Variants in DLGAP2 observed in about 807,000 individuals in gnomAD.
The protein encoded by DLGAP2 is disks large-associated protein 2.
Under a neutral mutation model 100.3 loss-of-function variants are expected in DLGAP2, and 26 were observed. The ratio of observed to expected loss-of-function variants is 0.26; its 90% CI spans 0.19 to 0.36. The LOEUF (loss-of-function observed/expected upper bound fraction) is 0.36. DLGAP2 is among the 10% of genes least tolerant of loss of function. The pLI is 1.00. For missense variants in DLGAP2, 1,858 were observed against 1,453.2 expected (o/e 1.28, Z -4.53); for synonymous variants, 886 against 630.1 (o/e 1.41, Z -6.08).
intron 3 of DLGAP2, among the ~76,000 whole-genome samples, chr8:1,338,080 C>A (rs1265984121): frequency 2.0e-5 from 3 of 152,190 alleles, no homozygotes; most frequent in African/African-American, 4.8e-5. Context: ...TCAGAGACAG[C>A]CCATGGGCAC....
chr8:1,153,452 A>G (rs1227954438), intron 2 of DLGAP2, among the ~76,000 whole-genome samples: 1 of 152,214 alleles, frequency 6.6e-6, no homozygotes, highest in Non-Finnish European at 1.5e-5. Flanking sequence ...TGTACCGTAG[A>G]AAGCTTACCA....
intron 12 of DLGAP2, among the ~76,000 whole-genome samples, chr8:1,683,154 G>C (rs559461962): frequency 3.3e-5 from 5 of 151,740 alleles, no homozygotes; most frequent in Admixed American, 2.6e-4. Flanking sequence ...AGTGTCATAA[G>C]AGAAGTACAG....
chr8:1,275,152 T>G (rs561051327), intron 3 of DLGAP2, among the ~76,000 whole-genome samples: 2 of 152,282 alleles, frequency 1.3e-5, no homozygotes, highest in South Asian at 4.1e-4. Context: ...CTCCCTGAGT[T>G]ACACAGAGCA....
chr8:851,690 C>T (rs1428906521), intron 1 of DLGAP2, among the ~76,000 whole-genome samples: 1 of 152,144 alleles, frequency 6.6e-6, no homozygotes, highest in Non-Finnish European at 1.5e-5. Flanking sequence ...AGAAAGCATG[C>T]AGTTTTGTGT....
intron 12 of DLGAP2, among the ~76,000 whole-genome samples, chr8:1,683,954 G>GTATGTATATATATA (rs1554430844): frequency 2.7e-5 from 2 of 74,734 alleles, no homozygotes; most frequent in Non-Finnish European, 2.3e-5. Flanking sequence ...ATATATGTGT[G>GTATGTATATATATA]TATATATATA....
At chr8:1,318,627 C>T (rs7830380) in intron 3 of DLGAP2, among the ~76,000 whole-genome samples, 34,947 of 151,664 alleles carry the variant, frequency 0.23, 4,786 homozygotes, top group African/African-American at 0.37. Flanking sequence ...GCAGTTCTCT[C>T]ATGTTACGAA....
At chr8:1,028,051 A>C (rs1222824010) in intron 2 of DLGAP2, among the ~76,000 whole-genome samples, 3 of 79,398 alleles carry the variant, frequency 3.8e-5, no homozygotes, top group African/African-American at 5.0e-5. Flanking sequence ...CTCGGTGCCC[A>C]TTATTCTCCA....
intron 3 of DLGAP2, among the ~76,000 whole-genome samples, chr8:1,292,694 G>A (rs1040282783): frequency 1.6e-4 from 25 of 152,178 alleles, no homozygotes; most frequent in African/African-American, 5.5e-4. Context: ...GAAAGGTCGC[G>A]TGGATGGGGC....
chr8:1,366,416 G>A (rs943870823), intron 3 of DLGAP2, among the ~76,000 whole-genome samples: 1 of 152,176 alleles, frequency 6.6e-6, no homozygotes, highest in Non-Finnish European at 1.5e-5. Flanking sequence ...AGAACCAAGC[G>A]CACTGTGTCC....
intron 1 of DLGAP2, among the ~76,000 whole-genome samples, chr8:822,859 C>G (rs976254219): frequency 6.6e-6 from 1 of 152,116 alleles, no homozygotes; most frequent in Non-Finnish European, 1.5e-5. Context: ...AGGGCCATGC[C>G]CACCTCCTGC....
chr8:1,075,054 C>T (rs566808295), intron 2 of DLGAP2, among the ~76,000 whole-genome samples: 30 of 148,208 alleles, frequency 2.0e-4, no homozygotes, highest in African/African-American at 7.0e-4. Context: ...AACAGTGCAG[C>T]GGGGGGTGGG....
intron 3 of DLGAP2, among the ~76,000 whole-genome samples, chr8:1,282,519 C>G (rs1256617567): frequency 7.7e-6 from 1 of 130,140 alleles, no homozygotes; most frequent in Non-Finnish European, 1.6e-5. Flanking sequence ...CGTGGTGTGA[C>G]CTGAACCCAG....
chr8:1,409,391 C>A, intron 3 of DLGAP2, among the ~76,000 whole-genome samples: 1 of 152,236 alleles, frequency 6.6e-6, no homozygotes, highest in Non-Finnish European at 1.5e-5. Flanking sequence ...CTCTCCTTGG[C>A]AGTCCTGGTG....
rs147753627 is a variant in DLGAP2 at position 916,224 on chromosome 8, C to G, written c.73+8258C>G. Among the ~76,000 whole-genome samples, 37 of 152,310 alleles carry G rather than the reference C, an allele frequency of 2.4e-4. 1 individual carries two copies. The highest frequency in any genetic ancestry group is 8.4e-4 in the African/African-American group (35 of 41,576). On this transcript the variant is annotated intron_variant, in intron 2 of 14. Transcript: ENST00000637795. The stretch of plus-strand genomic sequence containing the variant: ...ACCTTAAAGTCTTTCCAGTGTAAGA[C>G]AAGCTACATATATACATGAAATTGA...
At chr8:874,864 C>T (rs1486266646) in intron 1 of DLGAP2, among the ~76,000 whole-genome samples, 1 of 152,084 alleles carries the variant, frequency 6.6e-6, no homozygotes, top group East Asian at 1.9e-4. Context: ...TCAGTTTTTG[C>T]TTCACATGTT....
intron 3 of DLGAP2, among the ~76,000 whole-genome samples, chr8:1,276,337 T>C (rs1014495903): frequency 6.6e-6 from 1 of 151,958 alleles, no homozygotes; most frequent in African/African-American, 2.4e-5. Context: ...GACTGACACA[T>C]GAATTCACTT....
At chr8:993,921 A>G (rs564730265) in intron 2 of DLGAP2, among the ~76,000 whole-genome samples, 94 of 151,124 alleles carry the variant, frequency 6.2e-4, no homozygotes, top group South Asian at 1.3e-3. Flanking sequence ...CTAATAGCAG[A>G]TCCCGGCTGG....
chr8:767,223 T>TG (rs1290360946), intron 1 of DLGAP2, among the ~76,000 whole-genome samples: 2 of 152,092 alleles, frequency 1.3e-5, no homozygotes, highest in African/African-American at 4.8e-5. Context: ...CTTCCACTCT[T>TG]GCTAGCAAGG....
At chr8:1,648,614 C>T (rs571257351) in intron 8 of DLGAP2, among the ~76,000 whole-genome samples, 6 of 152,148 alleles carry the variant, frequency 3.9e-5, no homozygotes, top group Non-Finnish European at 7.4e-5. Flanking sequence ...ATGCAGGATT[C>T]GCTCAAGTCT....
Sources: gnomAD v4.1 joint callset for allele counts (sites outside exome capture counted in the v4.1 genomes callset) on GRCh38, gnomAD v4.1.1 for gene constraint, MANE v1.5 for transcripts, NCBI Gene and HGNC (gene_info 2026-07-23, HGNC 2026-07-21) for gene names.